C3orf20: variants seen among roughly 807,000 people sequenced by gnomAD.
The protein encoded by C3orf20 is family with sequence similarity 149 member C.
In C3orf20, 76 loss-of-function variants were observed where a neutral mutation model predicts 88.3. The ratio of observed to expected loss-of-function variants is 0.86; its 90% CI spans 0.72 to 1.04. The LOEUF (loss-of-function observed/expected upper bound fraction) is 1.04. C3orf20 is among the 50% of genes least tolerant of loss of function. The pLI is 0.00. For synonymous variants in C3orf20, 436 were observed against 437.4 expected, an observed-to-expected ratio of 1.00 and a Z score of 0.04; for missense variants, 1,056 against 1,123.3, an observed-to-expected ratio of 0.94 and a Z score of 0.86.
chr3:14,740,231 A>G (rs756048949), intron 12 of C3orf20, among the ~76,000 whole-genome samples: 7 of 152,204 alleles, frequency 4.6e-5, no homozygotes, highest in East Asian at 1.9e-4. Context: ...CTTAGGAATC[A>G]TTGTAGAGTT....
chr3:14,678,366 C>T (rs184183363), intron 1 of C3orf20, among the ~76,000 whole-genome samples: 6 of 152,284 alleles, frequency 3.9e-5, no homozygotes, highest in South Asian at 4.1e-4. Flanking sequence ...ATTCATGTGA[C>T]GTGAGAACCT....
At position 14,683,139 on chromosome 3, in the gene C3orf20, C is replaced by T; in HGVS notation, c.426C>T (p.Ile142=). The T allele has an allele frequency of 6.2e-7, 1 of 1,613,524 alleles. No homozygotes were observed. Among genetic ancestry groups the T allele is most frequent in the Non-Finnish European group, 8.5e-7 (1 of 1,179,700 alleles). Residue 142 remains isoleucine (I), a synonymous_variant, in exon 3 of 17, where the codon ATC becomes ATT. Coordinates refer to ENST00000253697, the MANE Select transcript of C3orf20 (RefSeq NM_032137.5). ...ETLNRFQQQS[I]HLLTELLRLK... is the part of the protein sequence containing the mutation. ...TGAACAGGTTTCAGCAGCAGTCCATCCACCTGCTGACGGAGCTCCTCAGAC... is the reference window on the plus strand; with the variant it reads ...TGAACAGGTTTCAGCAGCAGTCCATTCACCTGCTGACGGAGCTCCTCAGAC...
intron 12 of C3orf20, among the ~76,000 whole-genome samples, chr3:14,747,016 C>T (rs896309434): frequency 6.6e-6 from 1 of 152,114 alleles, no homozygotes; most frequent in African/African-American, 2.4e-5. Flanking sequence ...ACTGTTGTAG[C>T]CATTGAGTAG....
At chr3:14,706,724 C>G (rs1399562927) in intron 7 of C3orf20, among the ~76,000 whole-genome samples, 1 of 151,968 alleles carries the variant, frequency 6.6e-6, no homozygotes, top group Non-Finnish European at 1.5e-5. Context: ...CACTTGATCT[C>G]TGTGCCTCAC....
intron 10 of C3orf20, chr3:14,722,595 C>G (rs1205370409): frequency 2.2e-6 from 1 of 456,436 alleles, no homozygotes; most frequent in Admixed American, 2.3e-5. Context: ...CTCTGCTCAG[C>G]CCCCCTGGCC....
rs557244231 is a variant in C3orf20, at chr3:14,709,646, C to T, written c.1161-4361C>T. Among the ~76,000 whole-genome samples the T allele has an allele frequency of 3.4e-4, 52 of 152,224 alleles. 2 individuals carry two copies. The highest frequency in any genetic ancestry group is 2.1e-4 in the South Asian group (1 of 4,814). ...GGTGATCATGATTCCCCCCAACCCCCGCCATTCTATTACTATGGTACATTA... is the reference window on the plus strand; with the variant it reads ...GGTGATCATGATTCCCCCCAACCCCTGCCATTCTATTACTATGGTACATTA... On this transcript the variant is annotated intron_variant, in intron 7 of 16. Coordinates refer to ENST00000253697, the MANE Select transcript of C3orf20 (RefSeq NM_032137.5).
intron 7 of C3orf20, among the ~76,000 whole-genome samples, chr3:14,710,127 A>G (rs1431278421): frequency 2.0e-5 from 3 of 150,190 alleles, no homozygotes; most frequent in African/African-American, 4.9e-5. Context: ...TTGTCCATCT[A>G]CGTTATCTGA....
At position 14,703,127 on chromosome 3, in the gene C3orf20, C is replaced by T. The variant is rs1250188132; in HGVS notation, c.746-3C>T. 1.2e-6 allele frequency: 2 copies of T among 1,614,152 alleles called. No individual in the cohort carries two copies. Among genetic ancestry groups the T allele is most frequent in the Non-Finnish European group, 1.7e-6 (2 of 1,179,988 alleles). Reference sequence around the variant, plus strand: ...TCTCTAACTTCTTGCCCTCCAACTACAGGCAAATCTAGAACTACAGAAGAT... The same window carrying T: ...TCTCTAACTTCTTGCCCTCCAACTATAGGCAAATCTAGAACTACAGAAGAT... On this transcript the variant is annotated splice_region_variant and splice_polypyrimidine_tract_variant and intron_variant, in intron 5 of 16. Transcript: ENST00000253697.
chr3:14,724,241 C>T (rs1021072365), intron 10 of C3orf20, among the ~76,000 whole-genome samples: 2 of 152,070 alleles, frequency 1.3e-5, no homozygotes, highest in Non-Finnish European at 2.9e-5. Flanking sequence ...TCAAAGGCAA[C>T]GGATATTAGA....
intron 4 of C3orf20, among the ~76,000 whole-genome samples, 191 bp downstream of exon 4, chr3:14,684,573 C>T (rs541925978): frequency 3.3e-5 from 5 of 152,220 alleles, no homozygotes; most frequent in East Asian, 1.9e-4. Context: ...AGTGGTTTGG[C>T]GGTATCTGCT....
At position 14,768,839 on chromosome 3, in the gene C3orf20, G is replaced by C. The variant is rs1054589864; in HGVS notation, c.2496-3228G>C. On this transcript the variant is annotated intron_variant, in intron 15 of 16. Transcript: ENST00000253697. This position sits in a 1 kb window ranked among gnomAD's most constrained non-coding sequence, Gnocchi z 4.1. ...ACAAAGGCTTTGAAATTCCTGGAGG[G>C]ACTGGCCTGTTGCAAAGCCCCCGAT... is the stretch of plus-strand genomic sequence containing the variant. Among the ~76,000 whole-genome samples, 19 of 151,986 alleles carry C rather than the reference G, an allele frequency of 1.3e-4. No homozygotes were observed. Among genetic ancestry groups the C allele is most frequent in the Admixed American group, 6.5e-5 (1 of 15,280 alleles).
chr3:14,738,983 G>T (rs1450484760), intron 12 of C3orf20, among the ~76,000 whole-genome samples: 1 of 151,392 alleles, frequency 6.6e-6, no homozygotes, highest in Non-Finnish European at 1.5e-5. Flanking sequence ...TAGAGACGGG[G>T]TTTCGCCATG....
chr3:14,746,911 A>G (rs1054940228), intron 12 of C3orf20, among the ~76,000 whole-genome samples: 5 of 152,260 alleles, frequency 3.3e-5, no homozygotes, highest in African/African-American at 1.2e-4. Flanking sequence ...AACCAGCAAC[A>G]GTATCCTAAA....
intron 15 of C3orf20, among the ~76,000 whole-genome samples, chr3:14,764,570 C>T (rs2035651187): frequency 6.6e-6 from 1 of 151,722 alleles, no homozygotes; most frequent in South Asian, 2.1e-4. Context: ...CAGCTGGGCT[C>T]AGCTAAGTGG....
chr3:14,685,910 G>A (rs2032398504), intron 4 of C3orf20, among the ~76,000 whole-genome samples: 1 of 134,644 alleles, frequency 7.4e-6, no homozygotes, highest in Non-Finnish European at 1.5e-5. Context: ...TTGCCACGCT[G>A]GAGTGCAGTG....
At chr3:14,752,520 C>A (rs905649710) in intron 12 of C3orf20, among the ~76,000 whole-genome samples, 11 of 152,078 alleles carry the variant, frequency 7.2e-5, no homozygotes, top group African/African-American at 2.7e-4. Context: ...TTCTGCACAG[C>A]AAAAGAAACT....
intron 4 of C3orf20, among the ~76,000 whole-genome samples, chr3:14,688,925 G>A (rs2032579439): frequency 6.6e-6 from 1 of 152,070 alleles, no homozygotes. Flanking sequence ...TAGACTCCTT[G>A]TAATGTTCAT....
At chr3:14,691,190 G>T (rs2032712940) in intron 5 of C3orf20, among the ~76,000 whole-genome samples, 1 of 152,196 alleles carries the variant, frequency 6.6e-6, no homozygotes, top group East Asian at 1.9e-4. Flanking sequence ...CTCCTTCCGG[G>T]CACGGAGTAG....
intron 12 of C3orf20, among the ~76,000 whole-genome samples, chr3:14,744,846 C>T (rs548499920): frequency 1.3e-4 from 20 of 152,314 alleles, no homozygotes; most frequent in African/African-American, 4.6e-4. Context: ...CACTGGGTCC[C>T]TCCCACAACA....
Sources: allele counts gnomAD v4.1 joint callset (sites outside exome capture counted in the v4.1 genomes callset), GRCh38; gene constraint gnomAD v4.1.1; non-coding constraint Gnocchi (gnomAD v3.1); transcripts MANE v1.5; gene names NCBI Gene and HGNC (gene_info 2026-07-23, HGNC 2026-07-21).